The following ABCB1 variants were observed in gnomAD, a reference collection of about 807,000 sequenced individuals.
ABCB1 encodes the protein ATP binding cassette subfamily B member 1.
In ABCB1, 69 loss-of-function variants were observed where a neutral mutation model predicts 142.0. That is an observed-to-expected ratio of 0.49 (90% CI 0.40 to 0.59). ABCB1 has a LOEUF of 0.59. Among genes scored for constraint, ABCB1 ranks in the 20% least tolerant of loss-of-function variants. The pLI is 0.00. For synonymous variants in ABCB1, 532 were observed against 539.2 expected (o/e 0.99, Z 0.18); for missense variants, 1,326 against 1,554.7 (o/e 0.85, Z 2.47).
chr7:87,512,365 G>C lies in ABCB1; in HGVS notation c.3282+2866C>G, dbSNP rs563785288. Among the ~76,000 whole-genome samples the C allele has an allele frequency of 2.0e-5, 3 of 152,044 alleles. No homozygotes were observed. In the East Asian group the frequency reaches 5.8e-4, roughly 29 times the overall value. On this transcript the variant is annotated intron_variant, in intron 25 of 27. Transcript: ENST00000622132. Reference sequence around the variant, plus strand: ...GTTCAGTGGCTCTCGAATGATGGTTGGCATCAGAATCACCTCGGAATATTA... The same window carrying C: ...GTTCAGTGGCTCTCGAATGATGGTTCGCATCAGAATCACCTCGGAATATTA...
At chr7:87,654,697 C>CA (rs1379168671) in intron 1 of ABCB1, among the ~76,000 whole-genome samples, 2 of 152,032 alleles carry the variant, frequency 1.3e-5, no homozygotes, top group African/African-American at 4.8e-5. Context: ...ACACCACAAG[C>CA]ACAGGCAACT....
intron 1 of ABCB1, chr7:87,650,757 AT>A: frequency 3.0e-6 from 3 of 985,052 alleles, no homozygotes; most frequent in Admixed American, 1.8e-5. Flanking sequence ...CCTTCCTCCC[AT>A]TTTTTTCATA....
At chr7:87,618,305 G>A (rs1480350140) in intron 1 of ABCB1, among the ~76,000 whole-genome samples, 1 of 152,166 alleles carries the variant, frequency 6.6e-6, no homozygotes, top group Admixed American at 6.5e-5. Context: ...CTCTATGAGA[G>A]CAGGAATTTT....
exon 1 of ABCB1, chr7:87,713,280 G>A (rs1830253978): frequency 1.3e-5 from 2 of 152,094 alleles, no homozygotes; most frequent in Admixed American, 6.6e-5. Flanking sequence ...ACTCTTCACA[G>A]GTAAAGAGTA....
intron 4 of ABCB1, among the ~76,000 whole-genome samples, chr7:87,584,957 C>G (rs945450442): frequency 6.6e-6 from 1 of 150,486 alleles, no homozygotes; most frequent in Non-Finnish European, 1.5e-5. Flanking sequence ...AAATACCCCC[C>G]CACACACACA....
At chr7:87,602,002 T>C (rs894067153), upstream of ABCB1, among the ~76,000 whole-genome samples, 2 of 152,198 alleles carry the variant, frequency 1.3e-5, no homozygotes, top group African/African-American at 4.8e-5. Context: ...TTCTTTCTTT[T>C]TTCTTTTTTG....
chr7:87,579,300 A>T (rs866042222), intron 4 of ABCB1, among the ~76,000 whole-genome samples: 3 of 152,004 alleles, frequency 2.0e-5, no homozygotes, highest in Non-Finnish European at 4.4e-5. Flanking sequence ...GTCTTGTTCC[A>T]GATCTTGAAG....
At chr7:87,627,503 T>C (rs1183954490) in intron 1 of ABCB1, 1 of 152,246 alleles carries the variant, frequency 6.6e-6, no homozygotes, top group East Asian at 1.9e-4. Context: ...GTAAGTCATT[T>C]AGGATTGCAC....
intron 1 of ABCB1, among the ~76,000 whole-genome samples, chr7:87,640,210 T>TA (rs1563094743): frequency 6.7e-6 from 1 of 149,174 alleles, no homozygotes; most frequent in African/African-American, 2.5e-5. Flanking sequence ...ATATATATAT[T>TA]AAATCTTACA....
chr7:87,583,676 T>C (rs1472655096), intron 4 of ABCB1, among the ~76,000 whole-genome samples: 2 of 152,200 alleles, frequency 1.3e-5, no homozygotes, highest in Non-Finnish European at 2.9e-5. Flanking sequence ...GATCATCATC[T>C]GTTTGGGAGC....
chr7:87,545,758 C>A (rs1816752777), intron 15 of ABCB1, 105 bp downstream of exon 15: 1 of 1,284,178 alleles, frequency 7.8e-7, no homozygotes, highest in East Asian at 2.4e-5. Context: ...GTGTTGTTTC[C>A]TACTTTGTAA....
intron 19 of ABCB1, among the ~76,000 whole-genome samples, chr7:87,538,678 T>A (rs1354538663): frequency 6.6e-6 from 1 of 152,296 alleles, no homozygotes; most frequent in African/African-American, 2.4e-5. Context: ...TTCCTCTAAT[T>A]TCCTTCCCCA....
intron 23 of ABCB1, among the ~76,000 whole-genome samples, chr7:87,518,446 G>A (rs1815345196): frequency 6.6e-6 from 1 of 152,058 alleles, no homozygotes; most frequent in African/African-American, 2.4e-5. Flanking sequence ...TGATCTCTAG[G>A]CCATAATCAC....
intron 25 of ABCB1, among the ~76,000 whole-genome samples, chr7:87,513,883 T>A (rs1219026498): frequency 6.6e-6 from 1 of 152,178 alleles, no homozygotes; most frequent in Non-Finnish European, 1.5e-5. Flanking sequence ...CCATAATCAG[T>A]GTCTGAGAGC....
chr7:87,710,135 A>G (rs1004065511), intron 1 of ABCB1, among the ~76,000 whole-genome samples: 1 of 152,050 alleles, frequency 6.6e-6, no homozygotes, highest in Admixed American at 6.6e-5. Context: ...AGGATTGAAA[A>G]TTTTCTTAAA....
At chr7:87,614,011 A>G (rs947226385) in intron 1 of ABCB1, among the ~76,000 whole-genome samples, 7 of 152,158 alleles carry the variant, frequency 4.6e-5, no homozygotes, top group Non-Finnish European at 8.8e-5. Context: ...TTTTATGATA[A>G]TATTTAATAT....
At chr7:87,658,323 A>C (rs940584243) in intron 1 of ABCB1, among the ~76,000 whole-genome samples, 2 of 152,194 alleles carry the variant, frequency 1.3e-5, no homozygotes, top group Non-Finnish European at 2.9e-5. Context: ...ACTGAAAGAC[A>C]AAACAATAGA....
chr7:87,572,940 G>A (rs1818112940), intron 4 of ABCB1, among the ~76,000 whole-genome samples: 1 of 151,994 alleles, frequency 6.6e-6, no homozygotes, highest in Non-Finnish European at 1.5e-5. Flanking sequence ...AAAATAACTA[G>A]TGGGTACTAG....
chr7:87,585,740 G>T (rs920588443), intron 3 of ABCB1, 60 bp from the exon 4 acceptor site: 1 of 1,566,776 alleles, frequency 6.4e-7, no homozygotes, highest in Middle Eastern at 1.7e-4. Context: ...TGGAAGATTT[G>T]CTTTTCCTTC....
Sources: allele counts gnomAD v4.1 joint callset (sites outside exome capture counted in the v4.1 genomes callset), GRCh38; gene constraint gnomAD v4.1.1; transcripts MANE v1.5; gene names NCBI Gene and HGNC (gene_info 2026-07-23, HGNC 2026-07-21).